Variants in SBF2 observed in about 807,000 individuals in gnomAD.
SBF2 encodes the protein myotubularin-related protein 13.
A neutral mutation model predicts 225.2 loss-of-function variants in SBF2; 112 were observed. That is an observed-to-expected ratio of 0.50 (90% CI 0.43 to 0.58). The LOEUF is 0.58. SBF2 is among the 20% of genes least tolerant of loss of function. The probability of loss-of-function intolerance (pLI) is 0.00; values close to 1 mark genes in which losing one functional copy is unlikely to be tolerated. For synonymous variants in SBF2, 763 were observed against 773.3 expected (o/e 0.99, Z 0.22); for missense variants, 1,996 against 2,206.2 (o/e 0.90, Z 1.91).
intron 14 of SBF2, among the ~76,000 whole-genome samples, chr11:9,968,067 C>T (rs1353603101): frequency 2.7e-5 from 4 of 150,672 alleles, no homozygotes; most frequent in Non-Finnish European, 5.9e-5. Context: ...ATCATGGGAT[C>T]GCACATTTTA....
chr11:10,179,698 G>A (rs7945980), intron 2 of SBF2, among the ~76,000 whole-genome samples: 32,172 of 152,082 alleles, frequency 0.21, 4,128 homozygotes, highest in Non-Finnish European at 0.3. Context: ...GGGTGCTCCA[G>A]TGTTGGATGC....
intron 1 of SBF2, among the ~76,000 whole-genome samples, chr11:10,215,158 T>G (rs59084464): frequency 0.015 from 2,255 of 152,246 alleles, 53 homozygotes; most frequent in African/African-American, 0.05. Flanking sequence ...TAAACCCATA[T>G]CCTTCCTCTC....
intron 2 of SBF2, among the ~76,000 whole-genome samples, chr11:10,158,645 T>C (rs890552449): frequency 1.3e-5 from 2 of 152,102 alleles, no homozygotes; most frequent in Non-Finnish European, 2.9e-5. Flanking sequence ...TCTGAGTAGA[T>C]GAATAATAAG....
chr11:9,850,219 C>G lies in SBF2; in HGVS notation c.2611-1G>C. The stretch of plus-strand genomic sequence containing the variant: ...GCAGAGCAGGTCTAAGAATCTTGGG[C>G]TTACAACAGAAAAAGATTGATTGAT... On this transcript the variant is annotated splice_acceptor_variant, in intron 21 of 39. Transcript: ENST00000256190. LOFTEE classifies it high-confidence loss of function. 6.2e-7 allele frequency: 1 copy of G among 1,612,692 alleles called. No homozygotes were observed. The highest frequency in any genetic ancestry group is 8.5e-7 in the Non-Finnish European group (1 of 1,179,798).
At chr11:10,193,713 T>C (rs900130906) in intron 2 of SBF2, among the ~76,000 whole-genome samples, 189 bp downstream of exon 2, 1 of 152,168 alleles carries the variant, frequency 6.6e-6, no homozygotes, top group Non-Finnish European at 1.5e-5. Flanking sequence ...ATAGGCATTC[T>C]AGAATTAATA....
intron 6 of SBF2, among the ~76,000 whole-genome samples, chr11:10,015,638 T>C (rs1202881464): frequency 2.0e-5 from 3 of 152,124 alleles, no homozygotes; most frequent in African/African-American, 7.2e-5. Flanking sequence ...GATGCATTAG[T>C]TAAGGAGAAA....
intron 1 of SBF2, among the ~76,000 whole-genome samples, chr11:10,212,582 A>AC (rs1271646532): frequency 1.3e-5 from 2 of 152,142 alleles, no homozygotes; most frequent in African/African-American, 4.8e-5. Flanking sequence ...CATTATGGAG[A>AC]CCTAAAATCA....
chr11:10,228,962 G>C (rs909111256), intron 1 of SBF2, among the ~76,000 whole-genome samples: 3 of 151,112 alleles, frequency 2.0e-5, no homozygotes, highest in African/African-American at 7.3e-5. Context: ...TTTTTTTTTT[G>C]GTTGGTAAGC....
chr11:10,191,905 AT>A (rs1380278766), intron 2 of SBF2, among the ~76,000 whole-genome samples: 1 of 150,564 alleles, frequency 6.6e-6, no homozygotes, highest in Admixed American at 6.7e-5. Flanking sequence ...CTAAATAGCT[AT>A]GCCAATCCAT....
At chr11:9,880,559 T>A (rs1459011865) in intron 17 of SBF2, among the ~76,000 whole-genome samples, 1 of 152,136 alleles carries the variant, frequency 6.6e-6, no homozygotes, top group Non-Finnish European at 1.5e-5. Flanking sequence ...AGTACCCTCA[T>A]CAGTGCTTGT....
chr11:10,146,314 T>C (rs1427249061), intron 2 of SBF2, among the ~76,000 whole-genome samples: 5 of 152,116 alleles, frequency 3.3e-5, no homozygotes. Context: ...TTACCCGATT[T>C]CAAACTATAC....
intron 2 of SBF2, among the ~76,000 whole-genome samples, chr11:10,140,829 C>A (rs995840261): frequency 6.6e-6 from 1 of 150,988 alleles, no homozygotes; most frequent in Non-Finnish European, 1.5e-5. Context: ...CTGTAATACA[C>A]CCAGTTGGTG....
chr11:9,852,553 T>A, intron 21 of SBF2, 123 bp downstream of exon 21: 1 of 761,076 alleles, frequency 1.3e-6, no homozygotes, highest in Non-Finnish European at 2.4e-6. Flanking sequence ...GTTTAACATA[T>A]CATTAAAACT....
At chr11:10,072,053 T>A (rs1190375935) in intron 2 of SBF2, among the ~76,000 whole-genome samples, 3 of 152,208 alleles carry the variant, frequency 2.0e-5, no homozygotes, top group Non-Finnish European at 2.9e-5. Flanking sequence ...TCCAAATATT[T>A]TTTGTATGCA....
chr11:9,839,462 G>A lies in SBF2; in HGVS notation c.3455+36C>T, dbSNP rs7483882. On this transcript the variant is annotated intron_variant, in intron 26 of 39. Coordinates refer to ENST00000256190, the MANE Select transcript of SBF2 (RefSeq NM_030962.4). The stretch of plus-strand genomic sequence containing the variant: ...AAAGATTCAAATAAGAAGAAAGGAA[G>A]GAAGACCTCTTTTTGGAGCCCACTG... The A allele has an allele frequency of 0.82, 1,309,548 of 1,592,472 alleles. 547,973 individuals carry two copies. The highest frequency in any genetic ancestry group is 0.86 in the Non-Finnish European group (997,614 of 1,160,736).
At chr11:9,788,619 G>A (rs541230221) in intron 35 of SBF2, among the ~76,000 whole-genome samples, 1 of 148,468 alleles carries the variant, frequency 6.7e-6, no homozygotes, top group African/African-American at 2.5e-5. Flanking sequence ...TACTGAGACG[G>A]AGTCTTGCTC....
At chr11:10,180,499 CT>C (rs1956695007) in intron 2 of SBF2, among the ~76,000 whole-genome samples, 1 of 152,084 alleles carries the variant, frequency 6.6e-6, no homozygotes, top group African/African-American at 2.4e-5. Context: ...TTTCAAGATC[CT>C]TTCTTTATCC....
chr11:10,058,454 G>A (rs984252632), intron 2 of SBF2, among the ~76,000 whole-genome samples: 1 of 151,960 alleles, frequency 6.6e-6, no homozygotes, highest in African/African-American at 2.4e-5. Context: ...AAGATGGTCA[G>A]ACAAAAATAA....
intron 6 of SBF2, among the ~76,000 whole-genome samples, chr11:10,013,393 G>A (rs1236825660): frequency 1.3e-5 from 2 of 152,144 alleles, no homozygotes; most frequent in Admixed American, 6.5e-5. Flanking sequence ...GTAGGGGAGA[G>A]GGGGCAACCA....
Sources: gnomAD v4.1 joint callset for allele counts (sites outside exome capture counted in the v4.1 genomes callset) on GRCh38, gnomAD v4.1.1 for gene constraint, MANE v1.5 for transcripts, NCBI Gene and HGNC (gene_info 2026-07-23, HGNC 2026-07-21) for gene names.